The following PHYHD1 variants were observed in gnomAD, a reference collection of about 807,000 sequenced individuals.
The protein encoded by PHYHD1 is phytanoyl-CoA dioxygenase domain-containing protein 1.
Under a neutral mutation model 43.6 loss-of-function variants are expected in PHYHD1, and 42 were observed. The observed-to-expected ratio is 0.96, with a 90% CI of 0.75 to 1.25. The LOEUF is 1.25. PHYHD1 is among the 50% of genes most tolerant of loss of function. The probability of loss-of-function intolerance (pLI) is 0.00; values close to 1 mark genes in which losing one functional copy is unlikely to be tolerated. For missense variants in PHYHD1, 342 were observed against 370.8 expected, an observed-to-expected ratio of 0.92 and a Z score of 0.64; for synonymous variants, 139 against 143.6, an observed-to-expected ratio of 0.97 and a Z score of 0.23.
intron 8 of PHYHD1, 108 bp downstream of exon 8, chr9:128,936,753 T>C: frequency 8.1e-7 from 1 of 1,233,030 alleles, no homozygotes; most frequent in Non-Finnish European, 1.1e-6. Flanking sequence ...ATTATGTTGG[T>C]GGGAGAACAT....
chr9:128,926,014 G>T (rs1010816749), intron 3 of PHYHD1, among the ~76,000 whole-genome samples: 5 of 152,160 alleles, frequency 3.3e-5, no homozygotes, highest in African/African-American at 1.2e-4. Context: ...TTACCTGTGT[G>T]GTTAGTGTAA....
intron 9 of PHYHD1, among the ~76,000 whole-genome samples, chr9:128,938,586 TA>T (rs1224572705): frequency 6.6e-6 from 1 of 152,026 alleles, no homozygotes; most frequent in African/African-American, 2.4e-5. Context: ...CACGCCCAGC[TA>T]ATTTTTTGTA....
At chr9:128,934,583 A>G (rs1396978349) in intron 6 of PHYHD1, among the ~76,000 whole-genome samples, 2 of 151,974 alleles carry the variant, frequency 1.3e-5, no homozygotes, top group African/African-American at 4.8e-5. Context: ...AGCCTGACCA[A>G]TGTGGAGAAA....
chr9:128,936,403 C>T, intron 6 of PHYHD1, 45 bp from the exon 7 acceptor site: 1 of 1,579,054 alleles, frequency 6.3e-7, no homozygotes, highest in Non-Finnish European at 8.6e-7. Context: ...TGTGGAGGGA[C>T]ACGTGGGCCT....
chr9:128,940,938 T>C (rs550498635), intron 11 of PHYHD1, among the ~76,000 whole-genome samples: 2 of 152,336 alleles, frequency 1.3e-5, no homozygotes, highest in South Asian at 4.1e-4. Context: ...ACTTATGGGC[T>C]GTTTCTCTGG....
intron 3 of PHYHD1, chr9:128,926,751 G>A (rs1841145459): frequency 2.3e-6 from 1 of 435,702 alleles, no homozygotes; most frequent in Admixed American, 2.6e-5. Flanking sequence ...TTTGAGACCA[G>A]CCAGGATGGT....
At chr9:128,929,109 G>A (rs1400516723) in intron 4 of PHYHD1, among the ~76,000 whole-genome samples, 1 of 152,020 alleles carries the variant, frequency 6.6e-6, no homozygotes, top group Non-Finnish European at 1.5e-5. Flanking sequence ...AGGGAGGATC[G>A]CTTGAGCCCA....
At chr9:128,933,902 G>A (rs1841360368) in intron 5 of PHYHD1, 45 bp downstream of exon 5, 2 of 1,607,618 alleles carry the variant, frequency 1.2e-6, no homozygotes, top group East Asian at 2.2e-5. Context: ...CATGGTGAGG[G>A]TAGGCTGGAC....
intron 11 of PHYHD1, 29 bp downstream of exon 11, chr9:128,940,744 G>A (rs376477314): frequency 1.5e-5 from 24 of 1,606,346 alleles, no homozygotes; most frequent in Non-Finnish European, 2.0e-5. Context: ...CAGAGAGGCA[G>A]GGGGCTGAGT....
intron 3 of PHYHD1, among the ~76,000 whole-genome samples, chr9:128,925,275 G>A (rs1489511793): frequency 1.3e-5 from 2 of 150,596 alleles, no homozygotes; most frequent in Admixed American, 1.3e-4. Context: ...TTCTAGGCTA[G>A]AGCGCAGTGG....
At chr9:128,932,445 G>A (rs1305299605) in intron 4 of PHYHD1, among the ~76,000 whole-genome samples, 11 of 151,886 alleles carry the variant, frequency 7.2e-5, no homozygotes, top group East Asian at 1.9e-4. Context: ...TTGGCTCACC[G>A]CAACCTCCGC....
At chr9:128,941,076 C>T (rs572080988) in intron 11 of PHYHD1, among the ~76,000 whole-genome samples, 1 of 152,272 alleles carries the variant, frequency 6.6e-6, no homozygotes, top group Non-Finnish European at 1.5e-5. Context: ...GGCTGTTGGG[C>T]GGCCCTTTTT....
intron 9 of PHYHD1, among the ~76,000 whole-genome samples, chr9:128,939,707 T>G: frequency 8.9e-6 from 1 of 112,396 alleles, no homozygotes; most frequent in African/African-American, 3.2e-5. Context: ...CAGACTGGAG[T>G]GAGGTGGCAC....
intron 4 of PHYHD1, among the ~76,000 whole-genome samples, chr9:128,932,163 A>ATTTTTT (rs1564540363): frequency 1.4e-4 from 17 of 125,318 alleles, no homozygotes; most frequent in African/African-American, 5.7e-4. Flanking sequence ...TATTATTATT[A>ATTTTTT]TTATTGTTAT....
chr9:128,927,888 C>T (rs1194107471), intron 4 of PHYHD1, among the ~76,000 whole-genome samples: 2 of 152,258 alleles, frequency 1.3e-5, no homozygotes, highest in Non-Finnish European at 1.5e-5. Context: ...ATGACCCCCA[C>T]CTGTGTAACT....
At chr9:128,929,659 C>T (rs544128132) in intron 4 of PHYHD1, among the ~76,000 whole-genome samples, 7 of 150,948 alleles carry the variant, frequency 4.6e-5, no homozygotes, top group South Asian at 2.1e-4. Context: ...GGTGACAGAG[C>T]GAGATTCTAT....
At chr9:128,932,166 A>ATTATTTTTTTTTTT (rs1564540372) in intron 4 of PHYHD1, among the ~76,000 whole-genome samples, 4 of 122,742 alleles carry the variant, frequency 3.3e-5, no homozygotes, top group African/African-American at 1.4e-4. Context: ...TATTATTATT[A>ATTATTTTTTTTTTT]TTGTTATTAT....
At chr9:128,940,100 A>C (rs1841518690) in intron 9 of PHYHD1, among the ~76,000 whole-genome samples, 1 of 152,142 alleles carries the variant, frequency 6.6e-6, no homozygotes, top group African/African-American at 2.4e-5. Flanking sequence ...TTGGGCCCTA[A>C]GCACTTTTCA....
intron 4 of PHYHD1, among the ~76,000 whole-genome samples, chr9:128,928,097 G>C (rs1841182711): frequency 6.6e-6 from 1 of 152,172 alleles, no homozygotes; most frequent in Non-Finnish European, 1.5e-5. Flanking sequence ...TCACGCCGAG[G>C]AGCACCTGCC....
Sources: gnomAD v4.1 joint callset for allele counts (sites outside exome capture counted in the v4.1 genomes callset) on GRCh38, gnomAD v4.1.1 for gene constraint, MANE v1.5 for transcripts, NCBI Gene and HGNC (gene_info 2026-07-23, HGNC 2026-07-21) for gene names.